Variants in C12orf42 observed in about 807,000 individuals in gnomAD.
C12orf42 encodes the protein chromosome 12 open reading frame 42.
In C12orf42, 25 loss-of-function variants were observed where a neutral mutation model predicts 21.6. The ratio of observed to expected loss-of-function variants is 1.16; its 90% CI spans 0.84 to 1.62. The LOEUF (loss-of-function observed/expected upper bound fraction) is 1.62, where lower values mean the gene tolerates loss of function less well. Ranked by LOEUF, C12orf42 falls within the 40% of genes most tolerant of loss-of-function variation. The pLI, the probability that C12orf42 is intolerant of heterozygous loss-of-function variation, is 0.00. For missense variants in C12orf42, 483 were observed against 459.3 expected, an observed-to-expected ratio of 1.05 and a Z score of -0.47; for synonymous variants, 174 against 175.0, an observed-to-expected ratio of 0.99 and a Z score of 0.05.
chr12:103,447,949 T>C (rs1951681467), intron 2 of C12orf42, among the ~76,000 whole-genome samples: 1 of 151,680 alleles, frequency 6.6e-6, no homozygotes, highest in Non-Finnish European at 1.5e-5. Context: ...AACAATATTA[T>C]AATTCATGTG....
the C12orf42 span, among the ~76,000 whole-genome samples, chr12:103,096,364 G>A: frequency 1.9e-3 from 292 of 151,982 alleles, no homozygotes; most frequent in African/African-American, 6.3e-3. Context: ...ATAAAAATTC[G>A]TAGGACATAA....
At chr12:103,242,875 A>G (rs1395135544) in intron 10 of C12orf42, among the ~76,000 whole-genome samples, 1 of 152,202 alleles carries the variant, frequency 6.6e-6, no homozygotes, top group Non-Finnish European at 1.5e-5. Flanking sequence ...GTGCATTGAA[A>G]GGAAGTTTGC....
intron 1 of C12orf42, 23 bp from the exon 2 acceptor site, chr12:103,478,470 G>A (rs1336229072): frequency 8.1e-7 from 1 of 1,236,016 alleles, no homozygotes; most frequent in African/African-American, 1.5e-5. Flanking sequence ...AATGGAGAAA[G>A]AAGAGCAGGT....
At chr12:103,553,217 A>G in the C12orf42 span, among the ~76,000 whole-genome samples, 1 of 152,222 alleles carries the variant, frequency 6.6e-6, no homozygotes, top group Non-Finnish European at 1.5e-5. Context: ...GTCTCCAGAC[A>G]TTGCCAAATA....
chr12:103,224,770 A>G, the C12orf42 span, among the ~76,000 whole-genome samples: 29 of 152,280 alleles, frequency 1.9e-4, no homozygotes, highest in African/African-American at 6.5e-4. Context: ...GCCACTGCAC[A>G]CAGACATGAG....
chr12:103,387,749 C>T (rs977995417), intron 3 of C12orf42, among the ~76,000 whole-genome samples: 9 of 152,112 alleles, frequency 5.9e-5, no homozygotes, highest in South Asian at 2.1e-4. Flanking sequence ...TCTCTAATAC[C>T]GAGAACAATA....
the C12orf42 span, among the ~76,000 whole-genome samples, chr12:103,207,570 A>G: frequency 4.0e-5 from 6 of 151,568 alleles, no homozygotes; most frequent in African/African-American, 1.4e-4. Context: ...AAGGAGAAAA[A>G]TGTATATAAT....
At chr12:103,265,198 A>AC (rs1404830985), downstream of C12orf42, among the ~76,000 whole-genome samples, 1 of 152,020 alleles carries the variant, frequency 6.6e-6, no homozygotes, top group Non-Finnish European at 1.5e-5. Context: ...CCAAGGTCCC[A>AC]CCCCCTAATA....
chr12:103,310,590 G>T (rs1355467527), intron 4 of C12orf42, among the ~76,000 whole-genome samples: 1 of 152,152 alleles, frequency 6.6e-6, no homozygotes, highest in African/African-American at 2.4e-5. Flanking sequence ...CCTTGTAAAG[G>T]CCACGCTATC....
At chr12:103,264,005 T>C (rs2035039735), downstream of C12orf42, among the ~76,000 whole-genome samples, 1 of 152,130 alleles carries the variant, frequency 6.6e-6, no homozygotes, top group Admixed American at 6.5e-5. Flanking sequence ...TAAGTTACAT[T>C]TCCTCTCTGT....
intron 3 of C12orf42, among the ~76,000 whole-genome samples, chr12:103,385,666 TG>T (rs2046550889): frequency 6.6e-6 from 1 of 152,266 alleles, no homozygotes; most frequent in Non-Finnish European, 1.5e-5. Flanking sequence ...GATCCATTTT[TG>T]TTTACCACAA....
chr12:103,378,241 G>C (rs2045874541), intron 3 of C12orf42, among the ~76,000 whole-genome samples: 1 of 152,174 alleles, frequency 6.6e-6, no homozygotes, highest in Non-Finnish European at 1.5e-5. Context: ...ATATAAATAA[G>C]TATGGCCAGT....
chr12:103,273,587 G>A (rs1172580625), intron 5 of C12orf42, among the ~76,000 whole-genome samples: 5 of 152,100 alleles, frequency 3.3e-5, no homozygotes, highest in Admixed American at 1.3e-4. Context: ...GAAATGAAAA[G>A]TCAGGACTCT....
the C12orf42 span, among the ~76,000 whole-genome samples, chr12:103,215,278 A>T: frequency 6.6e-6 from 1 of 152,002 alleles, no homozygotes; most frequent in South Asian, 2.1e-4. Context: ...TTATACCAAT[A>T]CTAATGCAAA....
the C12orf42 span, among the ~76,000 whole-genome samples, chr12:103,167,805 T>A: frequency 6.6e-6 from 1 of 150,760 alleles, no homozygotes; most frequent in African/African-American, 2.5e-5. Flanking sequence ...GAAAAAAAAA[T>A]GCGCTTTAAA....
intron 2 of C12orf42, among the ~76,000 whole-genome samples, chr12:103,442,835 A>T (rs10861014): frequency 0.62 from 94,778 of 152,036 alleles, 30,502 homozygotes; most frequent in Admixed American, 0.72. Flanking sequence ...AAAAAAATTA[A>T]TTTTTCAAAC....
chr12:103,098,785 C>A, the C12orf42 span, among the ~76,000 whole-genome samples: 2 of 152,232 alleles, frequency 1.3e-5, no homozygotes, highest in African/African-American at 4.8e-5. Flanking sequence ...TTTTAAAATG[C>A]AGGCTTTGCA....
the C12orf42 span, among the ~76,000 whole-genome samples, chr12:103,536,373 C>T: frequency 6.6e-6 from 1 of 151,218 alleles, no homozygotes; most frequent in Non-Finnish European, 1.5e-5. Context: ...GTATGGGTGT[C>T]GATCTCAGGA....
intron 10 of C12orf42, among the ~76,000 whole-genome samples, chr12:103,261,671 A>C (rs2034909064): frequency 6.6e-6 from 1 of 151,976 alleles, no homozygotes; most frequent in Non-Finnish European, 1.5e-5. Flanking sequence ...TAACTTAATT[A>C]TATATATCTC....
Sources: allele counts gnomAD v4.1 joint callset (sites outside exome capture counted in the v4.1 genomes callset), GRCh38; gene constraint gnomAD v4.1.1; transcripts MANE v1.5; gene names NCBI Gene and HGNC (gene_info 2026-07-23, HGNC 2026-07-21).